COL14A1: variants seen among roughly 807,000 people sequenced by gnomAD.
The protein encoded by COL14A1 is collagen alpha-1(XIV) chain.
COL14A1 carries 136 observed loss-of-function variants against 230.3 expected under a neutral mutation model. That is an observed-to-expected ratio of 0.59 (90% confidence interval 0.51 to 0.68). The LOEUF (loss-of-function observed/expected upper bound fraction) is 0.68. COL14A1 is among the 30% of genes least tolerant of loss of function. The pLI is 0.00. For missense variants in COL14A1, 1,976 were observed against 2,215.8 expected (o/e 0.89, Z 2.17); for synonymous variants, 792 against 784.1 (o/e 1.01, Z -0.17).
chr8:120,168,816 G>T (rs1302437604), intron 5 of COL14A1, among the ~76,000 whole-genome samples: 1 of 151,986 alleles, frequency 6.6e-6, no homozygotes, highest in Non-Finnish European at 1.5e-5. Flanking sequence ...GCCAGATAGT[G>T]TTCTATGGGA....
chr8:120,212,805 A>G (rs1586770999), intron 13 of COL14A1, among the ~76,000 whole-genome samples: 1 of 152,160 alleles, frequency 6.6e-6, no homozygotes, highest in African/African-American at 2.4e-5. Context: ...AATTCCACCT[A>G]TGTCTTTCTT....
intron 40 of COL14A1, among the ~76,000 whole-genome samples, chr8:120,324,178 A>G (rs376899643): frequency 2.0e-5 from 3 of 152,186 alleles, no homozygotes; most frequent in African/African-American, 4.8e-5. Context: ...GTGACATGCA[A>G]TTTACCTGTA....
intron 35 of COL14A1, 50 bp from the exon 36 acceptor site, chr8:120,300,676 AAGCCAT>A: frequency 7.6e-7 from 1 of 1,310,960 alleles, no homozygotes; most frequent in Non-Finnish European, 1.1e-6. Context: ...TGAGCCAGTA[AAGCCAT>A]TTGTATAAAC....
intron 45 of COL14A1, among the ~76,000 whole-genome samples, chr8:120,354,387 A>G (rs1410715642): frequency 9.5e-6 from 1 of 105,740 alleles, no homozygotes; most frequent in African/African-American, 5.2e-5. Context: ...AACTTAAAGT[A>G]TAATTAAAAA....
intron 25 of COL14A1, among the ~76,000 whole-genome samples, chr8:120,267,805 G>C (rs1423264517): frequency 6.6e-6 from 1 of 151,788 alleles, no homozygotes; most frequent in African/African-American, 2.4e-5. Context: ...GGCATGTTGT[G>C]AGAATTTGTA....
intron 34 of COL14A1, among the ~76,000 whole-genome samples, chr8:120,290,478 C>T (rs1295691048): frequency 1.3e-5 from 2 of 152,154 alleles, no homozygotes; most frequent in African/African-American, 2.4e-5. Context: ...TAATTTGAGT[C>T]ATTCTATAGT....
At position 120,298,073 on chromosome 8, in the gene COL14A1, C is replaced by T. The variant is rs111900524; in HGVS notation, c.4314+485C>T. ...TGTTGGGATGTGTGTGCTACCTGAG[C>T]CCTGCAGCATTTCTCATATCTTGGG... On this transcript the variant is annotated intron_variant, in intron 35 of 47. Coordinates refer to ENST00000297848, the MANE Select transcript of COL14A1 (RefSeq NM_021110.4). Among the ~76,000 whole-genome samples the T allele has an allele frequency of 2.9e-3, 447 of 152,094 alleles. 3 individuals are homozygous for T. The highest frequency in any genetic ancestry group is 0.01 in the Middle Eastern group (3 of 294).
intron 4 of COL14A1, among the ~76,000 whole-genome samples, chr8:120,167,420 G>T (rs1815940875): frequency 1.3e-5 from 2 of 152,204 alleles, no homozygotes; most frequent in African/African-American, 4.8e-5. Context: ...TATTTGTGCA[G>T]AGACCACTGA....
intron 1 of COL14A1, among the ~76,000 whole-genome samples, chr8:120,147,170 G>A (rs558002155): frequency 1.5e-3 from 230 of 149,518 alleles, no homozygotes; most frequent in Non-Finnish European, 1.4e-3. Flanking sequence ...TCCATTTATC[G>A]TCCTTTCTTT....
At chr8:120,276,147 A>T (rs1452868463) in intron 26 of COL14A1, among the ~76,000 whole-genome samples, 1 of 151,144 alleles carries the variant, frequency 6.6e-6, no homozygotes, top group African/African-American at 2.4e-5. Context: ...TTATATATAT[A>T]TTTTACACAA....
chr8:120,278,330 GA>G (rs1468931271), intron 27 of COL14A1, 96 bp downstream of exon 27: 7 of 1,503,060 alleles, frequency 4.7e-6, no homozygotes, highest in Admixed American at 4.5e-5. Flanking sequence ...ATTTTTTAAA[GA>G]TTTTTTTTTT....
At chr8:120,246,456 A>G (rs189449047) in intron 20 of COL14A1, among the ~76,000 whole-genome samples, 19 of 151,502 alleles carry the variant, frequency 1.3e-4, no homozygotes, top group Admixed American at 4.7e-4. Context: ...AATTTCTAGC[A>G]TATGTTGGTA....
At position 120,313,351 on chromosome 8, in the gene COL14A1, C is replaced by T. The variant is rs532956769; in HGVS notation, c.4456-581C>T. On this transcript the variant is annotated intron_variant, in intron 37 of 47. Transcript: ENST00000297848. ...CTCCAGCCTGGGCAACAGAATGAGA[C>T]TCTGTCTCAAAAACAAAAAATGAAA... Among the ~76,000 whole-genome samples, 10 of 152,254 alleles carry T rather than the reference C, an allele frequency of 6.6e-5. No individual in the cohort carries two copies. In the South Asian group the frequency reaches 2.1e-3, roughly 32 times the overall value.
intron 21 of COL14A1, among the ~76,000 whole-genome samples, chr8:120,248,738 C>G (rs1818837466): frequency 6.6e-6 from 1 of 151,880 alleles, no homozygotes; most frequent in South Asian, 2.1e-4. Flanking sequence ...CACCGTACCC[C>G]CAGCTACCTG....
chr8:120,131,186 G>C (rs768255666), intron 1 of COL14A1, among the ~76,000 whole-genome samples: 1 of 152,164 alleles, frequency 6.6e-6, no homozygotes, highest in African/African-American at 2.4e-5. Flanking sequence ...ACATAGGAGT[G>C]CATGTGTCTT....
At chr8:120,255,093 T>C (rs1819100627) in intron 22 of COL14A1, 147 bp from the exon 23 acceptor site, 4 of 682,002 alleles carry the variant, frequency 5.9e-6, no homozygotes, top group Admixed American at 4.3e-5. Flanking sequence ...ATTTATCTTT[T>C]GTATACTAAC....
At chr8:120,252,037 G>T (rs546861312) in intron 22 of COL14A1, among the ~76,000 whole-genome samples, 4 of 151,812 alleles carry the variant, frequency 2.6e-5, no homozygotes, top group African/African-American at 9.7e-5. Context: ...AATAAAAATT[G>T]TATATATTCA....
rs538515265 is a variant in COL14A1 at position 120,296,902 on chromosome 8, C to T, written c.4237-609C>T. On this transcript the variant is annotated intron_variant, in intron 34 of 47. Transcript: ENST00000297848. ...TTGTGTACCATATTTATGTGCTCCC[C>T]TCTCACTCCCTGTAAGTTCTTCTAG... 9.9e-5 allele frequency among the ~76,000 whole-genome samples: 15 copies of T among 152,036 alleles called. No individual in the cohort carries two copies. The South Asian group carries it at 2.7e-3, about 27-fold the overall frequency.
At chr8:120,358,410 C>T (rs555149731) in intron 45 of COL14A1, among the ~76,000 whole-genome samples, 1 of 152,102 alleles carries the variant, frequency 6.6e-6, no homozygotes, top group South Asian at 2.1e-4. Flanking sequence ...TTTCATAAGT[C>T]ATAACTAGTT....
Sources: gnomAD v4.1 joint callset for allele counts (sites outside exome capture counted in the v4.1 genomes callset) on GRCh38, gnomAD v4.1.1 for gene constraint, MANE v1.5 for transcripts, NCBI Gene and HGNC (gene_info 2026-07-23, HGNC 2026-07-21) for gene names.